The following HPSE2 variants were observed in gnomAD, a reference collection of about 807,000 sequenced individuals.
The protein encoded by HPSE2 is heparanase 2 (inactive).
HPSE2 carries 38 observed loss-of-function variants against 60.5 expected under a neutral mutation model. The ratio of observed to expected loss-of-function variants is 0.63; its 90% CI spans 0.48 to 0.82. The LOEUF is 0.82. Ranked by LOEUF, HPSE2 falls within the 40% of genes least tolerant of loss-of-function variation. HPSE2 has a pLI of 0.00. For synonymous variants in HPSE2, 295 were observed against 293.2 expected (o/e 1.01, Z -0.06); for missense variants, 713 against 740.4 (o/e 0.96, Z 0.43).
chr10:98,915,748 A>C (rs1298213744), intron 3 of HPSE2, among the ~76,000 whole-genome samples: 1 of 152,220 alleles, frequency 6.6e-6, no homozygotes, highest in Non-Finnish European at 1.5e-5. Context: ...AAAAATAAAG[A>C]GAGCAATTTT....
intron 4 of HPSE2, among the ~76,000 whole-genome samples, chr10:98,735,113 T>C (rs1297372503): frequency 2.0e-5 from 3 of 151,996 alleles, no homozygotes; most frequent in East Asian, 4.0e-4. Flanking sequence ...ACCATACCTC[T>C]TTTTCTTTAT....
rs569414364 is a variant in HPSE2 at position 99,211,493 on chromosome 10, G to C, written c.448+20855C>G. 3.3e-5 allele frequency among the ~76,000 whole-genome samples: 5 copies of C among 152,140 alleles called. No individual in the cohort carries two copies. The South Asian group carries it at 1.0e-3, about 32-fold the overall frequency. On this transcript the variant is annotated intron_variant, in intron 2 of 11. Coordinates refer to ENST00000370552, the MANE Select transcript of HPSE2 (RefSeq NM_021828.5). Reference sequence around the variant, plus strand: ...CGTAATAAAAAGAAAAAAAAGTATGGTACTGGCATTAAAAAATGGCACATA... The same window carrying C: ...CGTAATAAAAAGAAAAAAAAGTATGCTACTGGCATTAAAAAATGGCACATA...
At chr10:99,016,934 A>G (rs1163222408) in intron 3 of HPSE2, among the ~76,000 whole-genome samples, 1 of 152,172 alleles carries the variant, frequency 6.6e-6, no homozygotes, top group African/African-American at 2.4e-5. Context: ...TTTTGGGCTG[A>G]GACTGGAAAT....
intron 9 of HPSE2, among the ~76,000 whole-genome samples, chr10:98,573,931 T>C (rs1034388550): frequency 4.6e-5 from 7 of 152,150 alleles, no homozygotes; most frequent in African/African-American, 1.7e-4. Context: ...TTAAAGTGTA[T>C]AATTCAATGG....
chr10:98,609,987 G>A (rs75658346), intron 9 of HPSE2, among the ~76,000 whole-genome samples: 7,082 of 152,006 alleles, frequency 0.047, 561 homozygotes, highest in African/African-American at 0.16. Flanking sequence ...GACTACAGGT[G>A]CCCGCCACCA....
intron 9 of HPSE2, among the ~76,000 whole-genome samples, chr10:98,511,286 G>A (rs113968858): frequency 8.5e-5 from 13 of 152,060 alleles, no homozygotes; most frequent in African/African-American, 3.1e-4. Context: ...GAGTAGCTGG[G>A]ACTACAGACA....
intron 3 of HPSE2, among the ~76,000 whole-genome samples, chr10:99,075,899 T>C (rs534929679): frequency 7.2e-5 from 11 of 152,292 alleles, no homozygotes; most frequent in African/African-American, 2.2e-4. Context: ...TTTTAGCCTA[T>C]GTATGTGTTT....
intron 7 of HPSE2, 56 bp downstream of exon 7, chr10:98,641,791 T>C: frequency 7.4e-7 from 1 of 1,346,232 alleles, no homozygotes; most frequent in Non-Finnish European, 1.1e-6. Flanking sequence ...TTTGTGTCTT[T>C]TTCCTTGTCT....
At chr10:99,110,728 T>C (rs1356830136) in intron 3 of HPSE2, among the ~76,000 whole-genome samples, 1 of 152,146 alleles carries the variant, frequency 6.6e-6, no homozygotes, top group East Asian at 1.9e-4. Context: ...CCCAAAAAAA[T>C]TGCAAAAGCA....
At chr10:99,244,843 T>C in the HPSE2 span, among the ~76,000 whole-genome samples, 2 of 152,058 alleles carry the variant, frequency 1.3e-5, no homozygotes, top group Non-Finnish European at 1.5e-5. Context: ...ACTTACTCAA[T>C]AGAATATTTT....
chr10:98,579,585 C>T (rs1417757922), intron 9 of HPSE2, among the ~76,000 whole-genome samples: 1 of 152,152 alleles, frequency 6.6e-6, no homozygotes, highest in Non-Finnish European at 1.5e-5. Flanking sequence ...ACCACTTCTC[C>T]CCCCTTCCAC....
intron 3 of HPSE2, among the ~76,000 whole-genome samples, chr10:98,903,600 T>C (rs368449750): frequency 6.6e-6 from 1 of 152,270 alleles, no homozygotes; most frequent in African/African-American, 2.4e-5. Context: ...TAAATATTCC[T>C]AGAAAACTGC....
chr10:98,845,236 A>G (rs1952006990), intron 3 of HPSE2, among the ~76,000 whole-genome samples: 2 of 152,224 alleles, frequency 1.3e-5, no homozygotes, highest in Non-Finnish European at 2.9e-5. Context: ...AAGAGCAGGA[A>G]AGCCTATTCC....
intron 6 of HPSE2, among the ~76,000 whole-genome samples, chr10:98,658,912 GTT>G (rs11358600): frequency 1.3e-3 from 184 of 140,164 alleles, no homozygotes; most frequent in Admixed American, 2.5e-3. Context: ...TACTGGCAGA[GTT>G]TTTTTTTTTT....
chr10:98,868,077 G>A (rs866155049), intron 3 of HPSE2, among the ~76,000 whole-genome samples: 10 of 94,288 alleles, frequency 1.1e-4, no homozygotes, highest in Non-Finnish European at 1.6e-4. Flanking sequence ...AAGAAAGAAA[G>A]AAAATAAATA....
intron 3 of HPSE2, among the ~76,000 whole-genome samples, chr10:98,972,889 T>C (rs1955992932): frequency 6.6e-6 from 1 of 152,116 alleles, no homozygotes; most frequent in South Asian, 2.1e-4. Context: ...ATAAGACATG[T>C]ATGGGGTGGG....
intron 3 of HPSE2, among the ~76,000 whole-genome samples, chr10:99,075,940 C>T (rs1578707): frequency 0.99 from 150,674 of 152,296 alleles, 74,553 homozygotes; most frequent in East Asian, 1. Flanking sequence ...ATAGACAATA[C>T]ATATAGTTGG....
chr10:99,005,985 C>T (rs552489068), intron 3 of HPSE2, among the ~76,000 whole-genome samples: 1 of 152,202 alleles, frequency 6.6e-6, no homozygotes, highest in South Asian at 2.1e-4. Flanking sequence ...AGGGCCTAAA[C>T]ACACCAGAGT....
intron 9 of HPSE2, among the ~76,000 whole-genome samples, chr10:98,526,023 C>T (rs997262200): frequency 2.0e-5 from 3 of 152,176 alleles, no homozygotes; most frequent in Admixed American, 6.5e-5. Flanking sequence ...CATATACCCT[C>T]GTTACTCTGT....
Sources: gnomAD v4.1 joint callset for allele counts (sites outside exome capture counted in the v4.1 genomes callset) on GRCh38, gnomAD v4.1.1 for gene constraint, MANE v1.5 for transcripts, NCBI Gene and HGNC (gene_info 2026-07-23, HGNC 2026-07-21) for gene names.